Variants in DCDC1 observed in about 807,000 individuals in gnomAD.
DCDC1 encodes the protein doublecortin domain-containing protein 1.
A neutral mutation model predicts 178.3 loss-of-function variants in DCDC1; 200 were observed. That is an observed-to-expected ratio of 1.12 (90% CI 1.00 to 1.26). DCDC1 has a LOEUF of 1.26. Ranked by LOEUF, DCDC1 falls within the 50% of genes most tolerant of loss-of-function variation. The pLI is 0.00. For missense variants in DCDC1, 1,983 were observed against 1,749.2 expected, an observed-to-expected ratio of 1.13 and a Z score of -2.38; for synonymous variants, 690 against 604.8, an observed-to-expected ratio of 1.14 and a Z score of -2.07.
chr11:30,875,792 G>T (rs541233900), intron 38 of DCDC1, among the ~76,000 whole-genome samples: 1 of 152,242 alleles, frequency 6.6e-6, no homozygotes, highest in South Asian at 2.1e-4. Flanking sequence ...GAAAAAAACA[G>T]AGATTTAGGG....
chr11:31,005,952 GAAA>G (rs35225668), intron 20 of DCDC1, among the ~76,000 whole-genome samples: 3 of 47,812 alleles, frequency 6.3e-5, no homozygotes, highest in Admixed American at 5.1e-4. Flanking sequence ...TCTTATTCCT[GAAA>G]AAAAAAAAAA....
intron 7 of DCDC1, among the ~76,000 whole-genome samples, chr11:31,276,053 T>C (rs565126253): frequency 2.0e-5 from 3 of 152,226 alleles, no homozygotes; most frequent in African/African-American, 4.8e-5. Context: ...TGTCATACTA[T>C]GGTTGGTGCT....
In DCDC1 at chr11:31,307,779, G is replaced by A. The variant is rs768869611; in HGVS notation, c.294C>T (p.Ser98=). 3.1e-6 allele frequency: 5 copies of A among 1,613,966 alleles called. No homozygotes were observed. Among genetic ancestry groups the A allele is most frequent in the East Asian group, 2.2e-5 (1 of 44,892 alleles). The change falls in exon 4 of 39, where the codon TCC becomes TCT. Residue 98 remains serine (S), a synonymous_variant. Coordinates refer to ENST00000684477, the MANE Select transcript of DCDC1 (RefSeq NM_001387274.1). ...VSEGSGLQDC[S]THQTASDHSH... Reference sequence around the variant, plus strand: ...TGTGATCTGATGCTGTTTGATGTGTGGAGCAATCTTGAAGTCCTGACCCTT... The same window carrying A: ...TGTGATCTGATGCTGTTTGATGTGTAGAGCAATCTTGAAGTCCTGACCCTT...
At chr11:30,890,000 A>G (rs1469611164) in intron 36 of DCDC1, among the ~76,000 whole-genome samples, 1 of 152,180 alleles carries the variant, frequency 6.6e-6, no homozygotes, top group African/African-American at 2.4e-5. Flanking sequence ...TACAAGAAAA[A>G]GAAGAGACGC....
chr11:31,121,697 G>A (rs1401435239), intron 11 of DCDC1, among the ~76,000 whole-genome samples: 1 of 151,652 alleles, frequency 6.6e-6, no homozygotes, highest in Non-Finnish European at 1.5e-5. Context: ...TGAGACCACT[G>A]CTCTACAAGA....
chr11:31,190,120 A>G (rs1969973235), intron 9 of DCDC1, among the ~76,000 whole-genome samples: 1 of 152,210 alleles, frequency 6.6e-6, no homozygotes, highest in South Asian at 2.1e-4. Context: ...GGTATCACTT[A>G]TTTAACATGA....
chr11:31,225,650 G>T (rs773429965), intron 9 of DCDC1, among the ~76,000 whole-genome samples: 3 of 149,662 alleles, frequency 2.0e-5, no homozygotes, highest in Admixed American at 6.7e-5. Context: ...TGGAGATTCA[G>T]ATAATGGTTA....
At chr11:31,311,990 G>A (rs1948796371) in intron 3 of DCDC1, among the ~76,000 whole-genome samples, 1 of 151,962 alleles carries the variant, frequency 6.6e-6, no homozygotes, top group African/African-American at 2.4e-5. Context: ...AAAGATTCTA[G>A]TGCTTGGGGC....
At chr11:31,210,319 A>T (rs1211316309) in intron 9 of DCDC1, among the ~76,000 whole-genome samples, 1 of 152,138 alleles carries the variant, frequency 6.6e-6, no homozygotes, top group African/African-American at 2.4e-5. Flanking sequence ...AAGGTACTAT[A>T]CTCCTGTGTG....
Position 31,099,787 on chromosome 11 carries a change from C to T in DCDC1, c.1983+2390G>A, listed in dbSNP as rs146373283. 8.7e-3 allele frequency among the ~76,000 whole-genome samples: 1,301 copies of T among 150,042 alleles called. 6 individuals carry two copies. The highest frequency in any genetic ancestry group is 0.012 in the Non-Finnish European group (816 of 67,672). On this transcript the variant is annotated intron_variant, in intron 15 of 38. Coordinates refer to ENST00000684477, the MANE Select transcript of DCDC1 (RefSeq NM_001387274.1). The stretch of plus-strand genomic sequence containing the variant: ...AGGCTGGAGTGCAGTGGCGCAATCT[C>T]GGCTCACTACAACCTCTGCTTCCCG...
At chr11:31,283,326 T>A (rs1272132917) in intron 7 of DCDC1, among the ~76,000 whole-genome samples, 1 of 151,964 alleles carries the variant, frequency 6.6e-6, no homozygotes, top group African/African-American at 2.4e-5. Context: ...AGTTCACGGA[T>A]CTTTTCTTCT....
chr11:31,313,136 A>G (rs2137675304), intron 3 of DCDC1, among the ~76,000 whole-genome samples: 1 of 152,140 alleles, frequency 6.6e-6, no homozygotes, highest in Middle Eastern at 3.4e-3. Flanking sequence ...TGTTTTACCT[A>G]TCTGTTCTAT....
At chr11:31,246,068 C>T (rs113456231) in intron 8 of DCDC1, among the ~76,000 whole-genome samples, 2,249 of 151,976 alleles carry the variant, frequency 0.015, 57 homozygotes, top group African/African-American at 0.049. Context: ...CCAAAAGCAA[C>T]ATCCTACATT....
At chr11:30,888,813 G>C (rs1171463897) in intron 36 of DCDC1, among the ~76,000 whole-genome samples, 1 of 152,192 alleles carries the variant, frequency 6.6e-6, no homozygotes, top group Admixed American at 6.5e-5. Context: ...TCTCTTTAAA[G>C]TGTATACTAT....
chr11:31,296,966 A>G (rs1203058799), intron 6 of DCDC1, among the ~76,000 whole-genome samples: 1 of 152,250 alleles, frequency 6.6e-6, no homozygotes, highest in Non-Finnish European at 1.5e-5. Context: ...ACACAGAGCC[A>G]GACCATATCA....
intron 1 of DCDC1, among the ~76,000 whole-genome samples, chr11:31,364,187 G>T (rs142709941): frequency 2.0e-5 from 3 of 152,114 alleles, no homozygotes; most frequent in Non-Finnish European, 2.9e-5. Context: ...ATGTATTAAG[G>T]CACTAATAAT....
chr11:31,154,547 T>C lies in DCDC1; in HGVS notation c.1222-16763A>G, dbSNP rs185150705. Among the ~76,000 whole-genome samples the C allele has an allele frequency of 1.5e-3, 230 of 152,354 alleles. 1 individual carries two copies. Among genetic ancestry groups the C allele is most frequent in the Middle Eastern group, 0.01 (3 of 294 alleles). ...GCTCCTCTAAAGTGGGCTCTTAGTA[T>C]GTATTCATCTCTACATCTCTCATGT... On this transcript the variant is annotated intron_variant, in intron 9 of 38. Coordinates refer to ENST00000684477, the MANE Select transcript of DCDC1 (RefSeq NM_001387274.1).
intron 21 of DCDC1, among the ~76,000 whole-genome samples, chr11:30,939,014 C>G (rs373007771): frequency 6.6e-6 from 1 of 152,118 alleles, no homozygotes; most frequent in Non-Finnish European, 1.5e-5. Flanking sequence ...CTGTTTCCCT[C>G]GCGGGATAAT....
At chr11:31,367,594 T>C (rs1952026415) in intron 1 of DCDC1, among the ~76,000 whole-genome samples, 1 of 152,224 alleles carries the variant, frequency 6.6e-6, no homozygotes, top group South Asian at 2.1e-4. Flanking sequence ...CCCTGCTGGA[T>C]ACAGTAGCCA....
Sources: allele counts gnomAD v4.1 joint callset (sites outside exome capture counted in the v4.1 genomes callset), GRCh38; gene constraint gnomAD v4.1.1; transcripts MANE v1.5; gene names NCBI Gene and HGNC (gene_info 2026-07-23, HGNC 2026-07-21).